PSTPIP1: variants seen among roughly 807,000 people sequenced by gnomAD.
PSTPIP1 encodes proline-serine-threonine phosphatase interacting protein 1.
In PSTPIP1, 66 loss-of-function variants were observed where a neutral mutation model predicts 69.6. The observed-to-expected ratio is 0.95, with a 90% CI of 0.78 to 1.16. PSTPIP1 has a LOEUF of 1.16. Among genes scored for constraint, PSTPIP1 ranks in the 50% most tolerant of loss-of-function variants. The pLI, the probability that PSTPIP1 is intolerant of heterozygous loss-of-function variation, is 0.00. For synonymous variants in PSTPIP1, 266 were observed against 222.7 expected (o/e 1.19, Z -1.73); for missense variants, 603 against 557.4 (o/e 1.08, Z -0.82).
intron 14 of PSTPIP1, among the ~76,000 whole-genome samples, chr15:77,036,814 A>G (rs1031054846): frequency 6.6e-6 from 1 of 151,774 alleles, no homozygotes; most frequent in Non-Finnish European, 1.5e-5. Flanking sequence ...GGGAGAGGGG[A>G]GGTGAGGCTG....
chr15:77,028,253 CGGCGTGGCGAGG>C (rs1238922069), intron 6 of PSTPIP1: 179 of 492,962 alleles, frequency 3.6e-4, no homozygotes, highest in African/African-American at 1.3e-3. Context: ...TAAGAGGGCG[CGGCGTGGCGAGG>C]GGCGTGGCGA....
At position 77,037,111 on chromosome 15, in the gene PSTPIP1, T is replaced by A; in HGVS notation, c.1186T>A (p.Trp396Arg). ...GGTGATCCTGGAAGGGGAGGATGGCTGGTGGACTGTGGAGAGGAACGGGCA... is the reference window on the plus strand; with the variant it reads ...GGTGATCCTGGAAGGGGAGGATGGCAGGTGGACTGTGGAGAGGAACGGGCA... ...LEVILEGEDG[W>R]WTVERNGQRG... is the part of the protein sequence containing the mutation. Residue 396 changes from tryptophan to arginine, a missense_variant, in exon 15 of 15, where the codon TGG (tryptophan) becomes AGG (arginine). By Grantham distance (101) the Trp-to-Arg change is moderately radical (BLOSUM62 -3). Transcript: ENST00000558012. 6.2e-7 allele frequency: 1 copy of A among 1,612,336 alleles called. No homozygotes were observed.
chr15:77,017,692 A>G (rs2076079101), intron 1 of PSTPIP1, among the ~76,000 whole-genome samples: 1 of 152,190 alleles, frequency 6.6e-6, no homozygotes, highest in South Asian at 2.1e-4. Flanking sequence ...CAGGCCAGCC[A>G]CTTTCCAGCT....
At chr15:77,035,474 G>T (rs367828460) in intron 12 of PSTPIP1, 34 bp from the exon 13 acceptor site, 1 of 1,566,616 alleles carries the variant, frequency 6.4e-7, no homozygotes, top group East Asian at 2.4e-5. Context: ...AGTGTGGGGC[G>T]GGGACACTCA....
chr15:76,995,077 C>T (rs541075209), upstream of PSTPIP1: 1 of 1,179,382 alleles, frequency 8.5e-7, no homozygotes, highest in East Asian at 6.1e-5. Context: ...CACAGCAACT[C>T]CACTTCCTGT....
At chr15:77,017,736 C>T (rs1157175662) in intron 1 of PSTPIP1, among the ~76,000 whole-genome samples, 1 of 152,210 alleles carries the variant, frequency 6.6e-6, no homozygotes, top group African/African-American at 2.4e-5. Context: ...TGTCACCCTC[C>T]TACACCTCGG....
rs201638707 is a variant in PSTPIP1 at position 77,030,601 on chromosome 15, C to T, written c.642+20C>T. On this transcript the variant is annotated intron_variant, in intron 9 of 14. Coordinates refer to ENST00000558012, the MANE Select transcript of PSTPIP1 (RefSeq NM_003978.5). Reference sequence around the variant, plus strand: ...TGTGAGGTGAGTGGCCCACGTGGAGCCTCGTTTTCCCCAGCTGGGAAGTGT... The same window carrying T: ...TGTGAGGTGAGTGGCCCACGTGGAGTCTCGTTTTCCCCAGCTGGGAAGTGT... 17 of 1,579,158 alleles carry T rather than the reference C, an allele frequency of 1.1e-5. No homozygotes were observed. The highest frequency in any genetic ancestry group is 1.7e-5 in the Admixed American group (1 of 58,742).
upstream of PSTPIP1, chr15:76,994,865 C>A (rs1165686416): frequency 1.0e-5 from 13 of 1,288,884 alleles, no homozygotes; most frequent in African/African-American, 1.5e-4. Context: ...AGTCTGGCAT[C>A]TCTGGGCCCA....
chr15:77,026,770 G>A (rs568352947), intron 5 of PSTPIP1, among the ~76,000 whole-genome samples: 20 of 152,332 alleles, frequency 1.3e-4, no homozygotes, highest in African/African-American at 4.6e-4. Context: ...TTGAGGTGCC[G>A]GAGCAGGCAC....
chr15:76,995,508 C>A lies in PSTPIP1; in HGVS notation c.-66C>A. ...GCCAGGACTGGGACGCTGCTGCTGG[C>A]GCCTGGCCCTCCATCAGGCCAGCCT... On this transcript the variant is annotated 5_prime_UTR_variant, in exon 1 of 15. Coordinates refer to ENST00000558012, the MANE Select transcript of PSTPIP1 (RefSeq NM_003978.5). 3 of 1,612,190 alleles carry A rather than the reference C, an allele frequency of 1.9e-6. No individual in the cohort carries two copies. Among genetic ancestry groups the A allele is most frequent in the Non-Finnish European group, 2.5e-6 (3 of 1,179,282 alleles).
At chr15:77,025,626 G>A (rs1315300849) in intron 5 of PSTPIP1, 22 bp downstream of exon 5, 2 of 1,527,374 alleles carry the variant, frequency 1.3e-6, no homozygotes, top group Non-Finnish European at 1.8e-6. Flanking sequence ...GCAGGGGGCG[G>A]GGGAGCTGCT....
chr15:77,032,545 G>C, intron 11 of PSTPIP1, 151 bp downstream of exon 11: 1 of 761,810 alleles, frequency 1.3e-6, no homozygotes, highest in East Asian at 2.7e-5. Flanking sequence ...GGGGAGTTGG[G>C]TCCCAGGCCT....
chr15:77,002,439 A>C (rs947249943), intron 1 of PSTPIP1, among the ~76,000 whole-genome samples: 8 of 152,236 alleles, frequency 5.3e-5, no homozygotes, highest in Non-Finnish European at 7.3e-5. Flanking sequence ...TTTGTCATTA[A>C]AAAGAAAATA....
chr15:77,006,757 T>C lies in PSTPIP1; in HGVS notation c.36+11148T>C, dbSNP rs1204595341. Among the ~76,000 whole-genome samples the C allele has an allele frequency of 2.0e-5, 3 of 152,232 alleles. No homozygotes were observed. The East Asian group carries it at 5.8e-4, about 29-fold the overall frequency. ...TTGTCAAAAATCAATTGACCATATA[T>C]GTTAGGGCTTATTTCTGAGCTCACT... is the stretch of plus-strand genomic sequence containing the variant. On this transcript the variant is annotated intron_variant, in intron 1 of 14. Coordinates refer to ENST00000558012, the MANE Select transcript of PSTPIP1 (RefSeq NM_003978.5).
chr15:77,008,570 C>T (rs536121189), intron 1 of PSTPIP1, among the ~76,000 whole-genome samples: 39 of 152,228 alleles, frequency 2.6e-4, no homozygotes, highest in African/African-American at 7.0e-4. Flanking sequence ...CCACCACACC[C>T]GGCTAATTTT....
chr15:77,037,060 G>C lies in PSTPIP1; in HGVS notation c.1135G>C (p.Asp379His). 1 of 1,612,246 alleles carries C rather than the reference G, an allele frequency of 6.2e-7. No individual in the cohort carries two copies. Among genetic ancestry groups the C allele is most frequent in the Non-Finnish European group, 8.5e-7 (1 of 1,179,642 alleles). Residue 379 changes from aspartate (D) to histidine (H), a missense_variant, in exon 15 of 15, where the codon GAC becomes CAC. Coordinates refer to ENST00000558012, the MANE Select transcript of PSTPIP1 (RefSeq NM_003978.5). ...DYTAQNPDEL[D>H]LSAGDILEVI... ...TCTTGGCCAGAACCCAGATGAGCTGGACCTGTCCGCGGGAGACATCCTGGA... is the reference window on the plus strand; with the variant it reads ...TCTTGGCCAGAACCCAGATGAGCTGCACCTGTCCGCGGGAGACATCCTGGA...
In PSTPIP1 at chr15:76,995,307, C is replaced by T; in HGVS notation, c.-267C>T. 7.3e-7 allele frequency: 1 copy of T among 1,378,480 alleles called. No homozygotes were observed. The highest frequency in any genetic ancestry group is 1.5e-5 in the African/African-American group (1 of 68,492). 85.4% of individuals were successfully genotyped at this position (1,378,480 alleles called of 1,614,324 possible). ...GGTCGGTGAGGGGCTGGGCTGGACA[C>T]CAGGGCCCGCCCTCCCATCACTGAG... On this transcript the variant is annotated 5_prime_UTR_variant, in exon 1 of 15. Coordinates refer to ENST00000558012, the MANE Select transcript of PSTPIP1 (RefSeq NM_003978.5).
At chr15:77,034,185 C>T (rs1255598824) in intron 12 of PSTPIP1, among the ~76,000 whole-genome samples, 2 of 47,324 alleles carry the variant, frequency 4.2e-5, no homozygotes, top group Non-Finnish European at 8.1e-5. Flanking sequence ...TGTAGACAGT[C>T]TGGGGAAAAG....
chr15:77,031,526 T>C (rs1055822118), intron 10 of PSTPIP1: 14 of 394,326 alleles, frequency 3.6e-5, no homozygotes, highest in Non-Finnish European at 6.2e-5. Flanking sequence ...TTCCTCCTTA[T>C]GCCTCAGAGC....
Sources: gnomAD v4.1 joint callset for allele counts (sites outside exome capture counted in the v4.1 genomes callset) on GRCh38, gnomAD v4.1.1 for gene constraint, MANE v1.5 for transcripts, NCBI Gene and HGNC (gene_info 2026-07-23, HGNC 2026-07-21) for gene names.